The following XKR6 variants were observed in gnomAD, a reference collection of about 807,000 sequenced individuals.
XKR6 encodes XK related 6.
In XKR6, 22 loss-of-function variants were observed where a neutral mutation model predicts 56.7. The observed-to-expected ratio is 0.39, with a 90% CI of 0.28 to 0.55. The LOEUF is 0.55. Ranked by LOEUF, XKR6 falls within the 20% of genes least tolerant of loss-of-function variation. The probability of loss-of-function intolerance (pLI) is 0.66; values close to 1 mark genes in which losing one functional copy is unlikely to be tolerated. For missense variants in XKR6, 852 were observed against 889.0 expected, an observed-to-expected ratio of 0.96 and a Z score of 0.53; for synonymous variants, 524 against 387.8, an observed-to-expected ratio of 1.35 and a Z score of -4.13.
chr8:11,170,463 T>G (rs997973963), intron 1 of XKR6, among the ~76,000 whole-genome samples: 2 of 152,148 alleles, frequency 1.3e-5, no homozygotes, highest in African/African-American at 4.8e-5. Context: ...AAGACCACAT[T>G]CTATGACTCA....
At chr8:11,072,523 T>C (rs1333095485) in intron 1 of XKR6, among the ~76,000 whole-genome samples, 1 of 152,188 alleles carries the variant, frequency 6.6e-6, no homozygotes, top group Admixed American at 6.5e-5. Context: ...GTTATGAGAC[T>C]TGCCCAAGGT....
intron 1 of XKR6, chr8:11,124,072 A>C: frequency 2.2e-6 from 1 of 450,086 alleles, no homozygotes; most frequent in Non-Finnish European, 4.5e-6. Flanking sequence ...CTCTCTCTCT[A>C]GCACGATTTC....
chr8:11,087,909 C>T (rs1797942717), intron 1 of XKR6, among the ~76,000 whole-genome samples: 1 of 152,150 alleles, frequency 6.6e-6, no homozygotes, highest in South Asian at 2.1e-4. Flanking sequence ...GCATAAAGAC[C>T]TCATCCACCC....
At chr8:11,035,729 A>G (rs761660641) in intron 1 of XKR6, among the ~76,000 whole-genome samples, 7 of 152,158 alleles carry the variant, frequency 4.6e-5, no homozygotes, top group African/African-American at 7.2e-5. Context: ...CAGATCCATC[A>G]TCCCTGTGAG....
At chr8:11,088,458 C>T (rs769648429) in intron 1 of XKR6, among the ~76,000 whole-genome samples, 1 of 152,206 alleles carries the variant, frequency 6.6e-6, no homozygotes, top group African/African-American at 2.4e-5. Flanking sequence ...TGTCTTCCCT[C>T]TCCAACCAAG....
chr8:10,979,434 C>T (rs1797676608), intron 1 of XKR6, among the ~76,000 whole-genome samples: 2 of 152,120 alleles, frequency 1.3e-5, no homozygotes, highest in South Asian at 4.2e-4. Context: ...CTGCCGAGAA[C>T]CCAGGCCACC....
chr8:11,135,586 A>T (rs1800349818), intron 1 of XKR6, among the ~76,000 whole-genome samples: 1 of 152,222 alleles, frequency 6.6e-6, no homozygotes, highest in Non-Finnish European at 1.5e-5. Context: ...GTTATCAGAT[A>T]TTAAACTATA....
At chr8:10,954,013 G>A (rs1410533625) in intron 1 of XKR6, among the ~76,000 whole-genome samples, 4 of 152,184 alleles carry the variant, frequency 2.6e-5, no homozygotes, top group African/African-American at 7.2e-5. Context: ...CTATTGTTGA[G>A]TAATGTTCCA....
At chr8:10,916,658 G>A (rs1174469768) in intron 2 of XKR6, among the ~76,000 whole-genome samples, 1 of 152,186 alleles carries the variant, frequency 6.6e-6, no homozygotes, top group Non-Finnish European at 1.5e-5. Context: ...CTTGGCCAGG[G>A]AGACAGAGCA....
At chr8:11,071,406 G>C (rs936763501) in intron 1 of XKR6, among the ~76,000 whole-genome samples, 3 of 151,930 alleles carry the variant, frequency 2.0e-5, no homozygotes, top group Admixed American at 2.0e-4. Flanking sequence ...TGCCTGTCTA[G>C]TTTTTTGTAT....
chr8:11,033,364 G>C (rs1191634491), intron 1 of XKR6, among the ~76,000 whole-genome samples: 8 of 150,400 alleles, frequency 5.3e-5, no homozygotes, highest in African/African-American at 1.7e-4. Context: ...GATGACGATA[G>C]TGATGGTGAT....
At chr8:11,153,349 C>A (rs1390403756) in intron 1 of XKR6, among the ~76,000 whole-genome samples, 2 of 152,158 alleles carry the variant, frequency 1.3e-5, no homozygotes, top group African/African-American at 4.8e-5. Flanking sequence ...GTATAACATA[C>A]AGAACAAGCA....
At chr8:11,025,333 T>G (rs1219813339) in intron 1 of XKR6, among the ~76,000 whole-genome samples, 1 of 152,226 alleles carries the variant, frequency 6.6e-6, no homozygotes, top group Non-Finnish European at 1.5e-5. Flanking sequence ...TTTAGAGCCT[T>G]TTCTTTATAA....
At chr8:11,049,679 G>A (rs956150558) in intron 1 of XKR6, among the ~76,000 whole-genome samples, 3 of 152,246 alleles carry the variant, frequency 2.0e-5, no homozygotes, top group African/African-American at 7.2e-5. Flanking sequence ...GCTGGCAGGG[G>A]AGGCACCAGT....
intron 1 of XKR6, among the ~76,000 whole-genome samples, chr8:11,159,739 C>T (rs1051724506): frequency 4.6e-5 from 7 of 152,172 alleles, no homozygotes; most frequent in South Asian, 2.1e-4. Context: ...ATGGCAACTG[C>T]GTATCTCTAA....
At chr8:11,173,351 AT>A (rs1236363251) in intron 1 of XKR6, among the ~76,000 whole-genome samples, 11 of 139,970 alleles carry the variant, frequency 7.9e-5, no homozygotes, top group East Asian at 2.0e-4. Flanking sequence ...CTTAAAAAAA[AT>A]ATATATATAT....
chr8:11,138,652 G>C (rs1180260472), intron 1 of XKR6: 2 of 152,054 alleles, frequency 1.3e-5, no homozygotes, highest in Admixed American at 6.6e-5. Flanking sequence ...GGTTGCATCA[G>C]TTTTTTTAAA....
chr8:11,071,197 G>A (rs144773732), intron 1 of XKR6, among the ~76,000 whole-genome samples: 8 of 152,168 alleles, frequency 5.3e-5, no homozygotes, highest in Non-Finnish European at 1.0e-4. Flanking sequence ...TTCCTCACGG[G>A]TGTGTGGTCA....
At chr8:11,004,020 G>C (rs1798307435) in intron 1 of XKR6, among the ~76,000 whole-genome samples, 1 of 152,196 alleles carries the variant, frequency 6.6e-6, no homozygotes, top group Non-Finnish European at 1.5e-5. Flanking sequence ...GGGTCCTGGG[G>C]CATCACAAGA....
Sources: gnomAD v4.1 joint callset for allele counts (sites outside exome capture counted in the v4.1 genomes callset) on GRCh38, gnomAD v4.1.1 for gene constraint, MANE v1.5 for transcripts, NCBI Gene and HGNC (gene_info 2026-07-23, HGNC 2026-07-21) for gene names.